Variants in CDK14 observed in about 807,000 individuals in gnomAD.
CDK14 encodes cyclin dependent kinase 14.
Under a neutral mutation model 60.7 loss-of-function variants are expected in CDK14, and 34 were observed. The ratio of observed to expected loss-of-function variants is 0.56; its 90% CI spans 0.43 to 0.75. The LOEUF is 0.75. CDK14 is among the 30% of genes least tolerant of loss of function. The probability of loss-of-function intolerance (pLI) is 0.00; values close to 1 mark genes in which losing one functional copy is unlikely to be tolerated. For missense variants in CDK14, 482 were observed against 564.1 expected (o/e 0.85, Z 1.47); for synonymous variants, 197 against 203.7 (o/e 0.97, Z 0.28).
intron 8 of CDK14, among the ~76,000 whole-genome samples, chr7:90,920,161 A>T (rs944188012): frequency 6.6e-6 from 1 of 152,228 alleles, no homozygotes; most frequent in African/African-American, 2.4e-5. Context: ...ACACACTGAA[A>T]ACTGTAGAGA....
intron 4 of CDK14, among the ~76,000 whole-genome samples, chr7:90,756,490 A>G (rs1037166702): frequency 1.3e-5 from 2 of 152,220 alleles, no homozygotes; most frequent in African/African-American, 4.8e-5. Context: ...TTATCTTGTT[A>G]GCATTTCTTG....
At chr7:91,059,664 C>T (rs1229241017) in intron 11 of CDK14, among the ~76,000 whole-genome samples, 2 of 152,116 alleles carry the variant, frequency 1.3e-5, no homozygotes, top group East Asian at 1.9e-4. Context: ...CGTTATGTAC[C>T]CAGTAGTCAT....
intron 2 of CDK14, among the ~76,000 whole-genome samples, chr7:90,667,837 G>A (rs1227970014): frequency 6.6e-6 from 1 of 152,152 alleles, no homozygotes; most frequent in Admixed American, 6.5e-5. Flanking sequence ...CCAAAGTGCT[G>A]GGATTACAGG....
chr7:90,885,900 G>A (rs1313927534), intron 6 of CDK14, among the ~76,000 whole-genome samples: 1 of 152,074 alleles, frequency 6.6e-6, no homozygotes, highest in Non-Finnish European at 1.5e-5. Context: ...AACACACCAG[G>A]GCCTGTTGGG....
chr7:90,760,952 A>G (rs118139825), intron 4 of CDK14, among the ~76,000 whole-genome samples: 1 of 152,310 alleles, frequency 6.6e-6, no homozygotes, highest in East Asian at 1.9e-4. Flanking sequence ...TAAACCCTAA[A>G]TCCTACTCAA....
intron 14 of CDK14, among the ~76,000 whole-genome samples, chr7:91,179,035 T>C (rs1801890022): frequency 6.6e-6 from 1 of 152,012 alleles, no homozygotes; most frequent in African/African-American, 2.4e-5. Flanking sequence ...TTATTCACAA[T>C]AGCAAAGACT....
intron 3 of CDK14, among the ~76,000 whole-genome samples, chr7:90,735,579 G>T (rs763384118): frequency 7.2e-5 from 11 of 152,256 alleles, no homozygotes; most frequent in Non-Finnish European, 1.5e-4. Context: ...CTGAGCTACA[G>T]TGGGCTCTGC....
chr7:90,838,820 G>A (rs1344478110), intron 5 of CDK14, among the ~76,000 whole-genome samples: 1 of 152,174 alleles, frequency 6.6e-6, no homozygotes, highest in South Asian at 2.1e-4. Flanking sequence ...GTGCCCAGCG[G>A]AACATGGACC....
intron 5 of CDK14, among the ~76,000 whole-genome samples, chr7:90,807,988 A>T (rs1788928740): frequency 1.3e-5 from 2 of 152,226 alleles, no homozygotes; most frequent in Admixed American, 1.3e-4. Flanking sequence ...TCTACGTCTG[A>T]TTGGTGTACC....
chr7:91,078,414 C>G (rs1289349005), intron 11 of CDK14, among the ~76,000 whole-genome samples: 1 of 152,304 alleles, frequency 6.6e-6, no homozygotes, highest in East Asian at 1.9e-4. Flanking sequence ...CGAGACCAGC[C>G]TGGCCAGCAT....
intron 10 of CDK14, among the ~76,000 whole-genome samples, chr7:91,005,440 G>A (rs1795958488): frequency 6.6e-6 from 1 of 152,254 alleles, no homozygotes; most frequent in South Asian, 2.1e-4. Flanking sequence ...TACCCTTGGA[G>A]TGGAACAGCA....
At chr7:90,753,816 A>T (rs1407380049) in intron 4 of CDK14, among the ~76,000 whole-genome samples, 6 of 152,176 alleles carry the variant, frequency 3.9e-5, no homozygotes, top group African/African-American at 1.4e-4. Context: ...AAAATCCAGC[A>T]TTATTTCTAT....
chr7:91,135,978 C>T (rs1032083150), intron 14 of CDK14, among the ~76,000 whole-genome samples: 13 of 152,018 alleles, frequency 8.6e-5, no homozygotes, highest in Non-Finnish European at 1.2e-4. Flanking sequence ...TTTGCCAGCT[C>T]AGAAGAGACC....
At chr7:91,088,943 G>A (rs757922027) in intron 12 of CDK14, among the ~76,000 whole-genome samples, 1 of 151,776 alleles carries the variant, frequency 6.6e-6, no homozygotes, top group Non-Finnish European at 1.5e-5. Context: ...GAGTGTGCAT[G>A]TGTGTGTGTG....
chr7:91,149,541 C>T (rs1800767808), intron 14 of CDK14, among the ~76,000 whole-genome samples: 3 of 152,186 alleles, frequency 2.0e-5, no homozygotes, highest in African/African-American at 4.8e-5. Flanking sequence ...TTAAAAAGAA[C>T]ATATGTTACA....
intron 2 of CDK14, among the ~76,000 whole-genome samples, chr7:90,657,536 T>G (rs1179657372): frequency 6.6e-6 from 1 of 152,204 alleles, no homozygotes; most frequent in African/African-American, 2.4e-5. Flanking sequence ...CTTTTGATAT[T>G]TTTCTAGATC....
At chr7:91,203,187 G>T (rs1292318027) in intron 14 of CDK14, among the ~76,000 whole-genome samples, 1 of 152,188 alleles carries the variant, frequency 6.6e-6, no homozygotes, top group South Asian at 2.1e-4. Flanking sequence ...TCCTCAGGCT[G>T]GTGGTGTATC....
At chr7:90,719,101 G>A (rs1337013068) in intron 2 of CDK14, among the ~76,000 whole-genome samples, 1 of 151,992 alleles carries the variant, frequency 6.6e-6, no homozygotes, top group Non-Finnish European at 1.5e-5. Flanking sequence ...TGGGGTATTG[G>A]ACAAAGGGAA....
chr7:90,813,263 G>A (rs1368998577), intron 5 of CDK14, among the ~76,000 whole-genome samples: 1 of 152,174 alleles, frequency 6.6e-6, no homozygotes, highest in African/African-American at 2.4e-5. Context: ...AAAGTTGCCT[G>A]GGACGAGCTG....
Sources: allele counts gnomAD v4.1 joint callset (sites outside exome capture counted in the v4.1 genomes callset), GRCh38; gene constraint gnomAD v4.1.1; transcripts MANE v1.5; gene names NCBI Gene and HGNC (gene_info 2026-07-23, HGNC 2026-07-21).